Variants in PTPRF observed in about 807,000 individuals in gnomAD.
PTPRF encodes protein tyrosine phosphatase receptor type F, also known as receptor-type tyrosine-protein phosphatase F.
Under a neutral mutation model 201.8 loss-of-function variants are expected in PTPRF, and 59 were observed. The ratio of observed to expected loss-of-function variants is 0.29; its 90% CI spans 0.24 to 0.36. The LOEUF (loss-of-function observed/expected upper bound fraction) is 0.36, where lower values mean the gene tolerates loss of function less well. Ranked by LOEUF, PTPRF falls within the 10% of genes least tolerant of loss-of-function variation. The pLI, the probability that PTPRF is intolerant of heterozygous loss-of-function variation, is 1.00. For missense variants in PTPRF, 2,132 were observed against 2,690.5 expected, an observed-to-expected ratio of 0.79 and a Z score of 4.59; for synonymous variants, 1,088 against 1,089.7, an observed-to-expected ratio of 1.00 and a Z score of 0.03.
intron 8 of PTPRF, among the ~76,000 whole-genome samples, chr1:43,589,316 G>A (rs1444501386): frequency 6.6e-6 from 1 of 151,928 alleles, no homozygotes; most frequent in East Asian, 1.9e-4. Context: ...TTTGAAACGA[G>A]GGAACCGAGG....
chr1:43,608,540 C>A (rs529593864), intron 21 of PTPRF, among the ~76,000 whole-genome samples: 1 of 152,304 alleles, frequency 6.6e-6, no homozygotes, highest in East Asian at 1.9e-4. Context: ...CTTGCCAGTT[C>A]AACTCTGCAG....
At chr1:43,548,579 G>C (rs562690790) in intron 3 of PTPRF, among the ~76,000 whole-genome samples, 3 of 152,138 alleles carry the variant, frequency 2.0e-5, no homozygotes, top group Non-Finnish European at 4.4e-5. Flanking sequence ...CTCCTACCTG[G>C]AAAGGTTAAC....
At chr1:43,606,740 T>C in intron 20 of PTPRF, 74 bp from the exon 21 acceptor site, 1 of 1,564,954 alleles carries the variant, frequency 6.4e-7, no homozygotes, top group South Asian at 1.2e-5. Flanking sequence ...GAGCCCTTTC[T>C]CCAGGATTAA....
chr1:43,565,905 C>T (rs1009080582), intron 5 of PTPRF, among the ~76,000 whole-genome samples: 1 of 152,210 alleles, frequency 6.6e-6, no homozygotes, highest in Admixed American at 6.5e-5. Flanking sequence ...CCACCGTCGC[C>T]ATGGCTACCG....
At chr1:43,591,625 C>G in intron 9 of PTPRF, 72 bp downstream of exon 9, 2 of 1,470,808 alleles carry the variant, frequency 1.4e-6, no homozygotes, top group Non-Finnish European at 1.8e-6. Context: ...GGTGCCTTTC[C>G]CCCTCCCTCG....
In PTPRF at chr1:43,542,919, A is replaced by G. The variant is rs1001033351; in HGVS notation, c.-45-2112A>G. Among the ~76,000 whole-genome samples, 2 of 152,162 alleles carry G rather than the reference A, an allele frequency of 1.3e-5. No individual in the cohort carries two copies. Among genetic ancestry groups the G allele is most frequent in the East Asian group, 3.9e-4 (2 of 5,194 alleles). Reference sequence around the variant, plus strand: ...ATTTTCATAGCAGGGAGATATGCTCATGCTGGGGGCCTATGTCCCTATGAA... The same window carrying G: ...ATTTTCATAGCAGGGAGATATGCTCGTGCTGGGGGCCTATGTCCCTATGAA... On this transcript the variant is annotated intron_variant, in intron 2 of 33. Transcript: ENST00000359947. The surrounding 1 kb of genome is among the most constrained non-coding windows in gnomAD (Gnocchi z 5.2).
At chr1:43,573,281 G>T (rs569324899) in intron 6 of PTPRF, among the ~76,000 whole-genome samples, 1 of 152,244 alleles carries the variant, frequency 6.6e-6, no homozygotes, top group Admixed American at 6.5e-5. Flanking sequence ...TGGCCTGCAG[G>T]CTGTGCCGAG....
At chr1:43,533,969 A>G (rs890575162) in intron 1 of PTPRF, among the ~76,000 whole-genome samples, 1 of 152,156 alleles carries the variant, frequency 6.6e-6, no homozygotes, top group African/African-American at 2.4e-5. Flanking sequence ...GCTCAACTAA[A>G]GCAGCTGCGG....
At chr1:43,605,500 C>T in intron 18 of PTPRF, 29 bp from the exon 19 acceptor site, 1 of 1,613,512 alleles carries the variant, frequency 6.2e-7, no homozygotes, top group Non-Finnish European at 8.5e-7. Context: ...CCAGCAGTGA[C>T]AGTCCTGATT....
At chr1:43,583,268 C>G (rs183667449) in intron 7 of PTPRF, among the ~76,000 whole-genome samples, 1 of 152,188 alleles carries the variant, frequency 6.6e-6, no homozygotes, top group Non-Finnish European at 1.5e-5. Context: ...GGGCAGACCC[C>G]TGACCTGCAT....
At position 43,537,396 on chromosome 1, in the gene PTPRF, G is replaced by T. The variant is rs142281074; in HGVS notation, c.-125-802G>T. ...TGAAGACTGGCATGTATGTTGGGGT[G>T]TGTTCTTCCAGGCTGGGCTGTTTTC... is the stretch of plus-strand genomic sequence containing the variant. On this transcript the variant is annotated intron_variant, in intron 1 of 33. Coordinates refer to ENST00000359947, the MANE Select transcript of PTPRF (RefSeq NM_002840.5). The surrounding 1 kb of genome is among the most constrained non-coding windows in gnomAD (Gnocchi z 4.8). Among the ~76,000 whole-genome samples, 1,651 of 152,316 alleles carry T rather than the reference G, an allele frequency of 0.011. 28 individuals carry two copies. Among genetic ancestry groups the T allele is most frequent in the African/African-American group, 0.038 (1,572 of 41,560 alleles).
At position 43,619,493 on chromosome 1, in the gene PTPRF, C is replaced by T. The variant is rs557123403; in HGVS notation, c.4852C>T (p.Arg1618Cys). The T allele has an allele frequency of 1.2e-6, 2 of 1,614,022 alleles. No homozygotes were observed. The highest frequency in any genetic ancestry group is 1.3e-5 in the African/African-American group (1 of 75,052). ...ATCGHTEVPA[R>C]NLYAHIQKLG... ...GTGCGGCCACACAGAGGTGCCTGCC[C>T]GCAACCTGTATGCCCACATCCAGAA... Residue 1618 changes from arginine to cysteine, a missense_variant, in exon 28 of 34, where the codon CGC becomes TGC. Coordinates refer to ENST00000359947, the MANE Select transcript of PTPRF (RefSeq NM_002840.5).
chr1:43,591,662 G>C, intron 9 of PTPRF, 109 bp downstream of exon 9: 2 of 1,439,274 alleles, frequency 1.4e-6, no homozygotes, highest in Non-Finnish European at 1.9e-6. Context: ...CTCTTGGGAG[G>C]ATCAAGGTGC....
intron 21 of PTPRF, among the ~76,000 whole-genome samples, 194 bp downstream of exon 21, chr1:43,607,162 G>T (rs1038798861): frequency 4.6e-5 from 7 of 152,232 alleles, no homozygotes; most frequent in Non-Finnish European, 1.0e-4. Flanking sequence ...TGTCAGGTGA[G>T]GGAGCCTCTG....
rs1557859516 is a variant in PTPRF at position 43,614,068 on chromosome 1, G to C, written c.4071+353G>C. Among the ~76,000 whole-genome samples the C allele has an allele frequency of 5.3e-5, 8 of 152,346 alleles. No individual in the cohort carries two copies. In the South Asian group the frequency reaches 1.2e-3, roughly 24 times the overall value. The stretch of plus-strand genomic sequence containing the variant: ...TCAGTGATAACAGCCACAGTAGCTG[G>C]CATCTATCAAGAGCATCCTGCAGGC... On this transcript the variant is annotated intron_variant, in intron 23 of 33. Coordinates refer to ENST00000359947, the MANE Select transcript of PTPRF (RefSeq NM_002840.5).
At chr1:43,526,549 T>C (rs1021004175), upstream of PTPRF, among the ~76,000 whole-genome samples, 12 of 152,184 alleles carry the variant, frequency 7.9e-5, no homozygotes, top group Non-Finnish European at 1.6e-4. Context: ...TTTGTAGTTC[T>C]TGTGTCTGAG....
intron 7 of PTPRF, among the ~76,000 whole-genome samples, chr1:43,585,377 A>G (rs982907480): frequency 1.3e-5 from 2 of 152,142 alleles, no homozygotes; most frequent in Non-Finnish European, 2.9e-5. Context: ...CTCTGTAGAC[A>G]TACCCTGACC....
chr1:43,561,440 A>C (rs924293278), intron 5 of PTPRF, among the ~76,000 whole-genome samples: 2 of 152,132 alleles, frequency 1.3e-5, no homozygotes, highest in Admixed American at 1.3e-4. Flanking sequence ...TGGCTTCCCA[A>C]GTGGCAAGAT....
At chr1:43,583,278 T>C (rs1436439204) in intron 7 of PTPRF, among the ~76,000 whole-genome samples, 1 of 152,154 alleles carries the variant, frequency 6.6e-6, no homozygotes, top group Non-Finnish European at 1.5e-5. Context: ...CTGACCTGCA[T>C]GTTCCTGCTG....
Sources: allele counts gnomAD v4.1 joint callset (sites outside exome capture counted in the v4.1 genomes callset), GRCh38; gene constraint gnomAD v4.1.1; non-coding constraint Gnocchi (gnomAD v3.1); transcripts MANE v1.5; gene names NCBI Gene and HGNC (gene_info 2026-07-23, HGNC 2026-07-21).